Variants in CHP1 observed in about 807,000 individuals in gnomAD.
CHP1 encodes the protein calcineurin like EF-hand protein 1, also known as calcineurin B homologous protein 1.
In CHP1, 11 loss-of-function variants were observed where a neutral mutation model predicts 27.4. That is an observed-to-expected ratio of 0.40 (90% confidence interval 0.25 to 0.67). CHP1 has a LOEUF of 0.67. CHP1 is among the 30% of genes least tolerant of loss of function. CHP1 has a pLI of 0.38. For synonymous variants in CHP1, 89 were observed against 87.4 expected (o/e 1.02, Z -0.10); for missense variants, 169 against 251.3 (o/e 0.67, Z 2.22).
chr15:41,256,305 A>G (rs979910764), intron 2 of CHP1, among the ~76,000 whole-genome samples: 3 of 152,236 alleles, frequency 2.0e-5, no homozygotes, highest in Non-Finnish European at 4.4e-5. Context: ...AAGTCATGTG[A>G]GGATGACTGC....
chr15:41,253,762 A>G (rs2047383602), intron 2 of CHP1, among the ~76,000 whole-genome samples: 1 of 151,102 alleles, frequency 6.6e-6, no homozygotes, highest in African/African-American at 2.4e-5. Context: ...CTGACAAATT[A>G]TTTTTTATAC....
At chr15:41,259,032 T>C (rs1362606559) in intron 3 of CHP1, among the ~76,000 whole-genome samples, 1 of 152,214 alleles carries the variant, frequency 6.6e-6, no homozygotes, top group Non-Finnish European at 1.5e-5. Context: ...AGGAATCTTA[T>C]GCCCTCTTTC....
intron 2 of CHP1, among the ~76,000 whole-genome samples, chr15:41,247,989 A>AAAT (rs72474308): frequency 2.9e-4 from 44 of 149,898 alleles, no homozygotes; most frequent in Admixed American, 7.3e-4. Context: ...ATAAATAAAT[A>AAAT]AAATAAATAA....
intron 2 of CHP1, among the ~76,000 whole-genome samples, chr15:41,246,797 C>G (rs980517257): frequency 1.3e-5 from 2 of 150,710 alleles, no homozygotes; most frequent in African/African-American, 4.9e-5. Flanking sequence ...CCCAGCTACT[C>G]GAGAGGCTGA....
chr15:41,259,755 T>C (rs1444246228), intron 3 of CHP1, among the ~76,000 whole-genome samples: 1 of 152,242 alleles, frequency 6.6e-6, no homozygotes. Context: ...TCTTTTGTTT[T>C]GTTTTTTGTT....
chr15:41,264,165 TAGAGGA>T (rs1262642618), intron 4 of CHP1: 2 of 1,283,286 alleles, frequency 1.6e-6, no homozygotes, highest in East Asian at 1.1e-4. Flanking sequence ...CATCTGGCAG[TAGAGGA>T]AGAGAGATAT....
chr15:41,253,516 G>A (rs183520140), intron 2 of CHP1, among the ~76,000 whole-genome samples: 129 of 150,972 alleles, frequency 8.5e-4, no homozygotes, highest in Middle Eastern at 3.4e-3. Context: ...GTGCAGTGGC[G>A]CAATCTTGGC....
chr15:41,252,126 T>TA (rs1467299236), intron 2 of CHP1, among the ~76,000 whole-genome samples: 2 of 152,024 alleles, frequency 1.3e-5, no homozygotes. Flanking sequence ...AAATATGTTG[T>TA]ACCATATGCT....
intron 2 of CHP1, among the ~76,000 whole-genome samples, chr15:41,250,605 G>A (rs2047361016): frequency 6.7e-6 from 1 of 149,496 alleles, no homozygotes; most frequent in South Asian, 2.1e-4. Flanking sequence ...ATAATAAAGA[G>A]GAGGAGAAGA....
intron 1 of CHP1, among the ~76,000 whole-genome samples, chr15:41,235,008 A>G (rs1010349129): frequency 2.0e-5 from 3 of 152,232 alleles, no homozygotes; most frequent in Non-Finnish European, 4.4e-5. Context: ...TGAAACTGTT[A>G]TGATGTTTTA....
Position 41,256,926 on chromosome 15 carries a change from A to G in CHP1, c.157A>G (p.Arg53Gly). Residue 53 changes from arginine (R) to glycine (G), a missense_variant, in exon 3 of 7, where the codon AGG (arginine) becomes GGG (glycine). Coordinates refer to ENST00000334660, the MANE Select transcript of CHP1 (RefSeq NM_007236.5). ...NGTLSREDFQRIPELAINPLG... is the reference protein window; with the variant it reads ...NGTLSREDFQGIPELAINPLG... ...TCTTGGCAGCCGGGAAGATTTCCAG[A>G]GGATTCCAGAACTTGCCATCAACCC... is the stretch of plus-strand genomic sequence containing the variant. The G allele has an allele frequency of 1.2e-6, 2 of 1,614,134 alleles. No individual in the cohort carries two copies. Among genetic ancestry groups the G allele is most frequent in the Non-Finnish European group, 8.5e-7 (1 of 1,179,988 alleles).
chr15:41,248,141 T>C (rs1372536249), intron 2 of CHP1, among the ~76,000 whole-genome samples: 2 of 151,438 alleles, frequency 1.3e-5, no homozygotes, highest in Non-Finnish European at 2.9e-5. Context: ...TTCTCCATGC[T>C]GGCAATATTT....
At chr15:41,234,768 T>C (rs764762494) in intron 1 of CHP1, among the ~76,000 whole-genome samples, 2 of 152,214 alleles carry the variant, frequency 1.3e-5, no homozygotes, top group African/African-American at 4.8e-5. Context: ...GTGTCTGGTA[T>C]AATAAACTTC....
chr15:41,231,974 G>A (rs889934276), intron 1 of CHP1, among the ~76,000 whole-genome samples: 1 of 152,004 alleles, frequency 6.6e-6, no homozygotes, highest in African/African-American at 2.4e-5. Context: ...GACATGACCC[G>A]ATGCCTGGAG....
intron 4 of CHP1, among the ~76,000 whole-genome samples, chr15:41,263,628 A>G (rs1016117016): frequency 2.6e-5 from 4 of 152,238 alleles, no homozygotes. Context: ...TAATCCCAGC[A>G]CTTTGGGAGG....
At chr15:41,269,487 T>G (rs2047478195) in intron 4 of CHP1, among the ~76,000 whole-genome samples, 1 of 152,178 alleles carries the variant, frequency 6.6e-6, no homozygotes, top group Non-Finnish European at 1.5e-5. Flanking sequence ...TTGTCTCATT[T>G]CTGTTTGTCT....
At chr15:41,237,490 A>G (rs971672721) in intron 1 of CHP1, among the ~76,000 whole-genome samples, 7 of 152,180 alleles carry the variant, frequency 4.6e-5, no homozygotes, top group African/African-American at 1.7e-4. Flanking sequence ...TTATAAGAAG[A>G]TAGATTTTGT....
chr15:41,257,053 T>C, intron 3 of CHP1, 63 bp downstream of exon 3: 2 of 1,257,914 alleles, frequency 1.6e-6, no homozygotes, highest in Non-Finnish European at 2.3e-6. Context: ...TATTTGCTAA[T>C]CTGGAATAAT....
intron 1 of CHP1, among the ~76,000 whole-genome samples, chr15:41,240,825 T>A (rs185634144): frequency 6.6e-6 from 1 of 151,770 alleles, no homozygotes; most frequent in Non-Finnish European, 1.5e-5. Flanking sequence ...CAAATTTTGT[T>A]TTTTTCAAAA....
Sources: gnomAD v4.1 joint callset for allele counts (sites outside exome capture counted in the v4.1 genomes callset) on GRCh38, gnomAD v4.1.1 for gene constraint, MANE v1.5 for transcripts, NCBI Gene and HGNC (gene_info 2026-07-23, HGNC 2026-07-21) for gene names.